Variants in PTPRD observed in about 807,000 individuals in gnomAD.
PTPRD encodes receptor-type tyrosine-protein phosphatase delta.
PTPRD carries 34 observed loss-of-function variants against 214.5 expected under a neutral mutation model. The observed-to-expected ratio is 0.16, with a 90% CI of 0.12 to 0.21. The LOEUF (loss-of-function observed/expected upper bound fraction) is 0.21. Among genes scored for constraint, PTPRD ranks in the 10% least tolerant of loss-of-function variants. The pLI is 1.00. For synonymous variants in PTPRD, 1,128 were observed against 845.7 expected, an observed-to-expected ratio of 1.33 and a Z score of -5.79; for missense variants, 2,545 against 2,398.7, an observed-to-expected ratio of 1.06 and a Z score of -1.27.
At chr9:9,459,956 T>A (rs977615887) in intron 8 of PTPRD, among the ~76,000 whole-genome samples, 1 of 152,036 alleles carries the variant, frequency 6.6e-6, no homozygotes, top group Non-Finnish European at 1.5e-5. Context: ...ACTTCAAGGC[T>A]ATAGTAACCA....
intron 39 of PTPRD, among the ~76,000 whole-genome samples, chr9:8,373,840 GTA>G (rs3042127): frequency 0.025 from 2,729 of 109,852 alleles, 33 homozygotes; most frequent in African/African-American, 0.082. Context: ...ATGTATGTAT[GTA>G]TGTATGTGTA....
At chr9:8,757,639 TATACATAC>T (rs2094111134) in intron 11 of PTPRD, among the ~76,000 whole-genome samples, 11 of 141,660 alleles carry the variant, frequency 7.8e-5, no homozygotes, top group African/African-American at 2.5e-4. Context: ...TATATATATA[TATACATAC>T]ATATATACAT....
intron 5 of PTPRD, among the ~76,000 whole-genome samples, chr9:9,840,382 T>C (rs2058000091): frequency 6.6e-6 from 1 of 150,824 alleles, no homozygotes; most frequent in East Asian, 1.9e-4. Context: ...AAAATAGACT[T>C]TGTTTTTTTC....
chr9:9,746,317 G>C (rs368703178), intron 6 of PTPRD, among the ~76,000 whole-genome samples: 2 of 152,116 alleles, frequency 1.3e-5, no homozygotes, highest in African/African-American at 4.8e-5. Flanking sequence ...AGATTGGAAA[G>C]TTACTTGTGC....
chr9:9,013,495 G>A (rs775746676), intron 11 of PTPRD, among the ~76,000 whole-genome samples: 18 of 152,094 alleles, frequency 1.2e-4, no homozygotes, highest in Admixed American at 2.0e-4. Context: ...TTTTTTGTGT[G>A]TTTGTTTGTT....
At chr9:9,671,058 C>T (rs1173022277) in intron 7 of PTPRD, among the ~76,000 whole-genome samples, 4 of 152,118 alleles carry the variant, frequency 2.6e-5, no homozygotes, top group African/African-American at 9.7e-5. Context: ...CTGGAAAAAC[C>T]ACAGACACTC....
intron 10 of PTPRD, among the ~76,000 whole-genome samples, chr9:9,154,910 A>C (rs1383763062): frequency 2.0e-5 from 3 of 152,190 alleles, no homozygotes; most frequent in Non-Finnish European, 4.4e-5. Flanking sequence ...CTATAGTTGA[A>C]TGCATGTAAT....
At chr9:9,670,710 C>T (rs191919291) in intron 7 of PTPRD, among the ~76,000 whole-genome samples, 1 of 152,302 alleles carries the variant, frequency 6.6e-6, no homozygotes, top group African/African-American at 2.4e-5. Context: ...CAGGCTGTGG[C>T]TTCAGAGGTT....
intron 9 of PTPRD, among the ~76,000 whole-genome samples, chr9:9,366,887 T>C (rs891722469): frequency 6.6e-6 from 1 of 151,474 alleles, no homozygotes; most frequent in Non-Finnish European, 1.5e-5. Context: ...ACTGACTTTT[T>C]TTTTCTACTT....
chr9:9,080,944 G>T (rs374739938), intron 10 of PTPRD, among the ~76,000 whole-genome samples: 104 of 152,058 alleles, frequency 6.8e-4, no homozygotes, highest in African/African-American at 2.5e-3. Context: ...CAAAAAAACA[G>T]CTCCTGGATT....
intron 14 of PTPRD, among the ~76,000 whole-genome samples, chr9:8,629,881 G>C (rs1464812749): frequency 2.0e-5 from 3 of 151,722 alleles, no homozygotes; most frequent in Non-Finnish European, 4.4e-5. Flanking sequence ...TGAGCTTGTG[G>C]TTATCCCTCC....
chr9:10,401,104 CAGTT>C (rs2098262312), intron 2 of PTPRD, among the ~76,000 whole-genome samples: 1 of 151,612 alleles, frequency 6.6e-6, no homozygotes, highest in African/African-American at 2.4e-5. Flanking sequence ...ATTTAATCCT[CAGTT>C]AGGTACCTTA....
At chr9:9,942,937 C>T (rs562398168) in intron 4 of PTPRD, among the ~76,000 whole-genome samples, 2 of 148,826 alleles carry the variant, frequency 1.3e-5, no homozygotes, top group Non-Finnish European at 1.5e-5. Context: ...GCTTTTCTTG[C>T]AATCCCATAT....
intron 12 of PTPRD, among the ~76,000 whole-genome samples, chr9:8,671,184 C>G (rs549967463): frequency 1.3e-5 from 2 of 151,998 alleles, no homozygotes; most frequent in African/African-American, 4.8e-5. Flanking sequence ...ACGAATAACC[C>G]AAAATTTGAA....
chr9:8,529,790 C>A (rs923440457), intron 14 of PTPRD, among the ~76,000 whole-genome samples: 4 of 152,098 alleles, frequency 2.6e-5, no homozygotes, highest in Non-Finnish European at 5.9e-5. Context: ...GTTTGAAGAT[C>A]ATGAATTTTT....
chr9:9,495,482 C>T (rs542184665), intron 8 of PTPRD, among the ~76,000 whole-genome samples: 45 of 152,150 alleles, frequency 3.0e-4, no homozygotes, highest in African/African-American at 9.4e-4. Context: ...CCCTACAGCC[C>T]GCCCTGCCCC....
intron 3 of PTPRD, among the ~76,000 whole-genome samples, chr9:10,150,710 CA>C (rs750136536): frequency 0.01 from 1,465 of 144,342 alleles, 22 homozygotes; most frequent in African/African-American, 0.035. Flanking sequence ...AAAAAAGAAA[CA>C]AAAAAAAAGA....
intron 2 of PTPRD, among the ~76,000 whole-genome samples, chr9:10,593,253 T>G (rs2075929564): frequency 6.6e-6 from 1 of 151,836 alleles, no homozygotes. Flanking sequence ...CAGTCTGGGG[T>G]CAGGCCTGAG....
intron 3 of PTPRD, among the ~76,000 whole-genome samples, chr9:10,248,931 CT>C (rs2092501429): frequency 6.6e-6 from 1 of 151,696 alleles, no homozygotes; most frequent in South Asian, 2.1e-4. Flanking sequence ...GTTTTATAGT[CT>C]GTTATAGGGA....
Sources: allele counts gnomAD v4.1 joint callset (sites outside exome capture counted in the v4.1 genomes callset), GRCh38; gene constraint gnomAD v4.1.1; transcripts MANE v1.5; gene names NCBI Gene and HGNC (gene_info 2026-07-23, HGNC 2026-07-21).